Variants in RBM44 observed in about 807,000 individuals in gnomAD.
RBM44 encodes the protein RNA-binding protein 44.
Under a neutral mutation model 105.1 loss-of-function variants are expected in RBM44, and 66 were observed. The ratio of observed to expected loss-of-function variants is 0.63; its 90% confidence interval spans 0.52 to 0.77. The LOEUF is 0.77. Ranked by LOEUF, RBM44 falls within the 30% of genes least tolerant of loss-of-function variation. RBM44 has a pLI of 0.00. For missense variants in RBM44, 1,122 were observed against 1,207.8 expected, an observed-to-expected ratio of 0.93 and a Z score of 1.05; for synonymous variants, 365 against 417.6, an observed-to-expected ratio of 0.87 and a Z score of 1.54.
intron 15 of RBM44, among the ~76,000 whole-genome samples, chr2:237,836,983 T>A (rs910312237): frequency 6.6e-5 from 10 of 151,998 alleles, no homozygotes; most frequent in Admixed American, 5.9e-4. Context: ...TGACTCAGCC[T>A]CCCTCAGTAG....
rs2061725946 is a variant in RBM44, at chr2:237,817,067, C to T, written c.148C>T (p.Pro50Ser). The T allele has an allele frequency of 6.3e-7, 1 of 1,598,276 alleles. No homozygotes were observed. Among genetic ancestry groups the T allele is most frequent in the South Asian group, 1.1e-5 (1 of 89,260 alleles). Reference protein sequence around the residue: ...NGCDEVKLTFPDDDWNSSTLE... With the variant: ...NGCDEVKLTFSDDDWNSSTLE... ...TTGTGATGAAGTCAAATTGACTTTTCCTGATGATGACTGGAATTCTTCGAC... is the reference window on the plus strand; with the variant it reads ...TTGTGATGAAGTCAAATTGACTTTTTCTGATGATGACTGGAATTCTTCGAC... The change falls in exon 3 of 16, where the codon CCT becomes TCT. Residue 50 changes from proline (P) to serine (S), a missense_variant. Physicochemically the swap from Pro to Ser is moderately conservative, Grantham distance 74. Transcript: ENST00000316997.
chr2:237,840,487 A>G (rs1317023836), intron 15 of RBM44, among the ~76,000 whole-genome samples: 2 of 152,166 alleles, frequency 1.3e-5, no homozygotes, highest in Non-Finnish European at 2.9e-5. Context: ...CCTAAGAATT[A>G]CCATTCTGGA....
intron 7 of RBM44, 141 bp from the exon 8 acceptor site, chr2:237,821,602 G>C: frequency 7.1e-6 from 5 of 705,546 alleles, no homozygotes; most frequent in Non-Finnish European, 1.2e-5. Flanking sequence ...CCATCACCTT[G>C]TGTATTTGTC....
intron 15 of RBM44, chr2:237,834,881 T>G (rs1576517970): frequency 6.5e-6 from 1 of 152,810 alleles, no homozygotes. Context: ...TGGCTTCCCC[T>G]AAGCAAGAGA....
In RBM44 at chr2:237,817,309, T is replaced by C; in HGVS notation, c.390T>C (p.Ser130=). 1 of 1,606,960 alleles carries C rather than the reference T, an allele frequency of 6.2e-7. No homozygotes were observed. Among genetic ancestry groups the C allele is most frequent in the Non-Finnish European group, 8.5e-7 (1 of 1,176,456 alleles). Residue 130 remains serine (S), a synonymous_variant, in exon 3 of 16, where the codon AGT becomes AGC. Transcript: ENST00000316997. The stretch of plus-strand genomic sequence containing the variant: ...AGAAGGAAAGTCTTACTCCTTTAAG[T>C]TCAGAATTAGATCCTGAAGTGCAGA... ...KLKKESLTPL[S]SELDPEVQKK...
At chr2:237,816,319 G>GT (rs1559910939) in intron 2 of RBM44, among the ~76,000 whole-genome samples, 1 of 151,992 alleles carries the variant, frequency 6.6e-6, no homozygotes, top group Admixed American at 6.6e-5. Context: ...GACAGCATCC[G>GT]TGTCTTCTTT....
chr2:237,827,351 G>C (rs1034756459), intron 11 of RBM44, 22 bp downstream of exon 11: 6 of 1,502,998 alleles, frequency 4.0e-6, no homozygotes, highest in Non-Finnish European at 4.6e-6. Context: ...TTATTTTTTT[G>C]AGCTTCATTT....
chr2:237,834,804 A>T (rs1229177247), intron 15 of RBM44: 4 of 156,508 alleles, frequency 2.6e-5, no homozygotes, highest in African/African-American at 7.2e-5. Context: ...TGTTGGCAAG[A>T]GGCCTCAGTT....
intron 1 of RBM44, among the ~76,000 whole-genome samples, chr2:237,809,506 T>A (rs979734121): frequency 2.0e-5 from 3 of 152,204 alleles, no homozygotes; most frequent in Non-Finnish European, 4.4e-5. Flanking sequence ...CATGTCTGCA[T>A]CTATTGGTCT....
Position 237,817,459 on chromosome 2 carries a change from A to G in RBM44, c.540A>G (p.Thr180=). The G allele has an allele frequency of 6.2e-7, 1 of 1,601,150 alleles. No individual in the cohort carries two copies. Among genetic ancestry groups the G allele is most frequent in the Non-Finnish European group, 8.5e-7 (1 of 1,173,002 alleles). Residue 180 remains threonine, a synonymous_variant, in exon 3 of 16, where the codon ACA becomes ACG. Transcript: ENST00000316997. ...ESAEDTQKHD[T]DEDSQQEYHS... is the part of the protein sequence containing the mutation. ...CTGAAGATACACAAAAGCATGATAC[A>G]GATGAAGACTCACAGCAGGAATATC...
intron 5 of RBM44, 96 bp from the exon 6 acceptor site, chr2:237,820,975 C>T: frequency 1.2e-6 from 1 of 857,076 alleles, no homozygotes; most frequent in South Asian, 2.0e-5. Context: ...TGCTTGAGCC[C>T]AGGAGTTCAA....
intron 1 of RBM44, among the ~76,000 whole-genome samples, chr2:237,810,099 T>A (rs1310821095): frequency 2.6e-5 from 4 of 152,242 alleles, no homozygotes. Flanking sequence ...TTTCAACATG[T>A]AATCAAATAA....
At chr2:237,821,425 C>A in intron 7 of RBM44, 57 bp downstream of exon 7, 2 of 1,279,950 alleles carry the variant, frequency 1.6e-6, no homozygotes, top group South Asian at 1.4e-5. Flanking sequence ...TTGCTTAATT[C>A]AGTTAACTTT....
At chr2:237,826,895 A>C (rs1299944496) in intron 10 of RBM44, among the ~76,000 whole-genome samples, 4 of 152,150 alleles carry the variant, frequency 2.6e-5, no homozygotes, top group Non-Finnish European at 5.9e-5. Context: ...ATTTTACATA[A>C]GGGACTTGAG....
intron 2 of RBM44, among the ~76,000 whole-genome samples, chr2:237,816,668 T>TC (rs2061720336): frequency 6.6e-6 from 1 of 152,136 alleles, no homozygotes; most frequent in South Asian, 2.1e-4. Flanking sequence ...TGCTGTGTCC[T>TC]CACATGAGAG....
At chr2:237,802,951 T>C (rs1305027866) in intron 1 of RBM44, among the ~76,000 whole-genome samples, 1 of 152,208 alleles carries the variant, frequency 6.6e-6, no homozygotes, top group Admixed American at 6.5e-5. Context: ...TCCTCACCAA[T>C]ATCTGGTGTT....
chr2:237,834,446 T>C (rs1420508588), intron 15 of RBM44, 23 bp downstream of exon 15: 2 of 1,198,414 alleles, frequency 1.7e-6, no homozygotes, highest in Non-Finnish European at 2.3e-6. Flanking sequence ...TATTCTTTTG[T>C]ATTTGAATAT....
Position 237,823,318 on chromosome 2 carries a change from T to C in RBM44, c.2206-122T>C, listed in dbSNP as rs1247203517. The stretch of plus-strand genomic sequence containing the variant: ...ACATGTCAGGTCAGGTTGATAATGT[T>C]TTCCTTTCAGAGCCCTCATTACTGT... On this transcript the variant is annotated intron_variant, in intron 8 of 15. Coordinates refer to ENST00000316997, the MANE Select transcript of RBM44 (RefSeq NM_001080504.3). 5.5e-6 allele frequency: 3 copies of C among 547,118 alleles called. No individual in the cohort carries two copies. The East Asian group carries it at 9.1e-5, about 17-fold the overall frequency. 33.9% of individuals were successfully genotyped at this position (547,118 alleles called of 1,614,324 possible). A position where few individuals can be genotyped will look rare whatever the true frequency, so the allele number is the denominator to read the frequency against.
rs988907340 is a variant in RBM44, at chr2:237,829,362, G to A, written c.2746G>A (p.Gly916Arg). Residue 916 changes from glycine (G) to arginine (R), a missense_variant, in exon 13 of 16, where the codon GGG (glycine) becomes AGG (arginine). Gly to Arg is a moderately radical substitution (Grantham distance 125, BLOSUM62 -2). Coordinates refer to ENST00000316997, the MANE Select transcript of RBM44 (RefSeq NM_001080504.3). Reference sequence around the variant, plus strand: ...TACATCACCACTTTCCTCCAAAAATGGGAATAGAATTAGTTCGAATAATTT... The same window carrying A: ...TACATCACCACTTTCCTCCAAAAATAGGAATAGAATTAGTTCGAATAATTT... ...EYTSPLSSKN[G>R]NRISSNNLEK... is the part of the protein sequence containing the mutation. 6.2e-6 allele frequency: 10 copies of A among 1,613,516 alleles called. No homozygotes were observed. The African/African-American group carries it at 1.3e-4, about 22-fold the overall frequency.
Sources: allele counts gnomAD v4.1 joint callset (sites outside exome capture counted in the v4.1 genomes callset), GRCh38; gene constraint gnomAD v4.1.1; transcripts MANE v1.5; gene names NCBI Gene and HGNC (gene_info 2026-07-23, HGNC 2026-07-21).